The following SPAG16 variants were observed in gnomAD, a reference collection of about 807,000 sequenced individuals.
SPAG16 encodes sperm associated antigen 16.
Under a neutral mutation model 80.4 loss-of-function variants are expected in SPAG16, and 86 were observed. That is an observed-to-expected ratio of 1.07 (90% CI 0.90 to 1.28). The LOEUF (loss-of-function observed/expected upper bound fraction) is 1.28, where lower values mean the gene tolerates loss of function less well. Among genes scored for constraint, SPAG16 ranks in the 50% most tolerant of loss-of-function variants. SPAG16 has a pLI of 0.00. For missense variants in SPAG16, 870 were observed against 765.3 expected, an observed-to-expected ratio of 1.14 and a Z score of -1.61; for synonymous variants, 294 against 265.9, an observed-to-expected ratio of 1.11 and a Z score of -1.03.
intron 10 of SPAG16, among the ~76,000 whole-genome samples, chr2:213,501,637 T>C (rs1421708268): frequency 6.6e-6 from 1 of 152,172 alleles, no homozygotes; most frequent in Non-Finnish European, 1.5e-5. Flanking sequence ...TTAGTGATAA[T>C]TTTGAGACTT....
At chr2:214,409,529 A>C (rs1386620023) in intron 15 of SPAG16, among the ~76,000 whole-genome samples, 1 of 152,164 alleles carries the variant, frequency 6.6e-6, no homozygotes, top group East Asian at 1.9e-4. Flanking sequence ...TATGTAAAAA[A>C]AATTTAATTT....
At chr2:214,398,822 A>T (rs1261453068) in intron 15 of SPAG16, among the ~76,000 whole-genome samples, 1 of 152,196 alleles carries the variant, frequency 6.6e-6, no homozygotes, top group African/African-American at 2.4e-5. Context: ...GAAATTTTAT[A>T]GACATACTTG....
At chr2:213,818,226 C>A (rs2072686759) in intron 10 of SPAG16, among the ~76,000 whole-genome samples, 1 of 152,170 alleles carries the variant, frequency 6.6e-6, no homozygotes, top group Non-Finnish European at 1.5e-5. Context: ...CGCAGTAGAT[C>A]TTTCATCAGT....
chr2:214,358,477 C>A (rs1237275967), intron 15 of SPAG16, among the ~76,000 whole-genome samples: 1 of 151,960 alleles, frequency 6.6e-6, no homozygotes, highest in Non-Finnish European at 1.5e-5. Flanking sequence ...CTCACATAAT[C>A]TGTACATTAT....
intron 13 of SPAG16, among the ~76,000 whole-genome samples, chr2:214,083,747 C>A (rs908208710): frequency 6.6e-6 from 1 of 152,076 alleles, no homozygotes; most frequent in African/African-American, 2.4e-5. Flanking sequence ...GGGTATGTTG[C>A]ATGAGGCTGA....
intron 15 of SPAG16, among the ~76,000 whole-genome samples, chr2:214,316,590 C>A (rs1695712225): frequency 6.6e-6 from 1 of 152,142 alleles, no homozygotes; most frequent in African/African-American, 2.4e-5. Context: ...CCTATACCCA[C>A]CTTTTCAGGC....
chr2:213,704,328 G>A (rs1442842761), intron 10 of SPAG16, among the ~76,000 whole-genome samples: 1 of 152,120 alleles, frequency 6.6e-6, no homozygotes, highest in African/African-American at 2.4e-5. Context: ...CTTTATGTCA[G>A]GCTTTACAGG....
rs574724219 is a variant in SPAG16 at position 214,064,744 on chromosome 2, C to G, written c.1528-43452C>G. Among the ~76,000 whole-genome samples the G allele has an allele frequency of 1.6e-4, 25 of 152,068 alleles. No individual in the cohort carries two copies. In the East Asian group the frequency reaches 4.8e-3, roughly 29 times the overall value. ...ATGGCAGTTTTCTAGCCTGTAATTG[C>G]TATTAAACAGAATTCTGTAAATTCA... On this transcript the variant is annotated intron_variant, in intron 13 of 15. Transcript: ENST00000331683.
At chr2:214,205,881 T>C (rs2058129939) in intron 15 of SPAG16, among the ~76,000 whole-genome samples, 1 of 152,136 alleles carries the variant, frequency 6.6e-6, no homozygotes, top group Non-Finnish European at 1.5e-5. Flanking sequence ...CTCTTTTAGC[T>C]ATTTTGAAAT....
At chr2:213,770,831 A>G (rs938085962) in intron 10 of SPAG16, among the ~76,000 whole-genome samples, 3 of 152,154 alleles carry the variant, frequency 2.0e-5, no homozygotes, top group Admixed American at 1.3e-4. Flanking sequence ...TCCATAGTGT[A>G]TATGTACCAC....
chr2:213,858,871 C>A (rs927467133), intron 10 of SPAG16, among the ~76,000 whole-genome samples: 2 of 151,754 alleles, frequency 1.3e-5, no homozygotes, highest in Non-Finnish European at 2.9e-5. Flanking sequence ...TTTTTAGAGA[C>A]CTCTATGAAA....
At chr2:213,641,470 C>A (rs903649227) in intron 10 of SPAG16, among the ~76,000 whole-genome samples, 1 of 152,202 alleles carries the variant, frequency 6.6e-6, no homozygotes, top group Non-Finnish European at 1.5e-5. Context: ...AAAATTCACT[C>A]TCTCTTGAAT....
At position 214,410,400 on chromosome 2, in the gene SPAG16, A is replaced by C. The variant is rs1229192262; in HGVS notation, c.*85A>C. On this transcript the variant is annotated 3_prime_UTR_variant, in exon 16 of 16. Transcript: ENST00000331683. Reference sequence around the variant, plus strand: ...GTCCCAAACCAGCAAAGAACTGGTTAAATGTGCCAGCAGGTAACATTTACA... The same window carrying C: ...GTCCCAAACCAGCAAAGAACTGGTTCAATGTGCCAGCAGGTAACATTTACA... 24 of 1,296,414 alleles carry C rather than the reference A, an allele frequency of 1.9e-5. No homozygotes were observed. Among genetic ancestry groups the C allele is most frequent in the Non-Finnish European group, 2.3e-5 (22 of 938,684 alleles). 80.3% of individuals were successfully genotyped at this position (1,296,414 alleles called of 1,614,324 possible).
chr2:214,055,101 T>A (rs1160757421), intron 13 of SPAG16, among the ~76,000 whole-genome samples: 1 of 152,174 alleles, frequency 6.6e-6, no homozygotes, highest in African/African-American at 2.4e-5. Context: ...CACAGTAGCA[T>A]AAAATAAGAT....
chr2:214,254,234 G>A (rs1045412500), intron 15 of SPAG16, among the ~76,000 whole-genome samples: 1 of 152,122 alleles, frequency 6.6e-6, no homozygotes, highest in Admixed American at 6.6e-5. Flanking sequence ...TCTGCAAACA[G>A]AGACAATTTG....
At chr2:213,349,412 G>T (rs998145463) in intron 6 of SPAG16, among the ~76,000 whole-genome samples, 3 of 152,056 alleles carry the variant, frequency 2.0e-5, no homozygotes, top group Admixed American at 1.3e-4. Flanking sequence ...TGACAAATTT[G>T]ATAATAAGAT....
intron 15 of SPAG16, among the ~76,000 whole-genome samples, chr2:214,405,373 T>C (rs1701939331): frequency 1.3e-5 from 2 of 152,218 alleles, no homozygotes; most frequent in Non-Finnish European, 2.9e-5. Flanking sequence ...GTGATCCTCC[T>C]GCCTTGGCCT....
intron 15 of SPAG16, among the ~76,000 whole-genome samples, chr2:214,346,442 A>G (rs1249355051): frequency 2.6e-5 from 4 of 152,116 alleles, no homozygotes; most frequent in Non-Finnish European, 5.9e-5. Context: ...TAATGGTTCT[A>G]TATCTTGGTG....
At chr2:213,983,468 G>A (rs2045865368) in intron 12 of SPAG16, among the ~76,000 whole-genome samples, 2 of 151,840 alleles carry the variant, frequency 1.3e-5, no homozygotes, top group Admixed American at 1.3e-4. Context: ...TTTAATAAAT[G>A]TCATAATTTA....
Sources: allele counts gnomAD v4.1 joint callset (sites outside exome capture counted in the v4.1 genomes callset), GRCh38; gene constraint gnomAD v4.1.1; transcripts MANE v1.5; gene names NCBI Gene and HGNC (gene_info 2026-07-23, HGNC 2026-07-21).